The following MOB1B variants were observed in gnomAD, a reference collection of about 807,000 sequenced individuals.
MOB1B encodes MOB kinase activator 1B, also known as MOB1 Mps One Binder homolog B.
MOB1B carries 19 observed loss-of-function variants against 24.4 expected under a neutral mutation model. The ratio of observed to expected loss-of-function variants is 0.78; its 90% confidence interval spans 0.54 to 1.14. The LOEUF (loss-of-function observed/expected upper bound fraction) is 1.14, where lower values mean the gene tolerates loss of function less well. Ranked by LOEUF, MOB1B falls within the 50% of genes most tolerant of loss-of-function variation. The pLI is 0.00. For missense variants in MOB1B, 243 were observed against 259.6 expected (o/e 0.94, Z 0.44); for synonymous variants, 76 against 82.1 (o/e 0.93, Z 0.40).
At chr4:70,931,685 G>T (rs992735204) in intron 1 of MOB1B, among the ~76,000 whole-genome samples, 1 of 152,126 alleles carries the variant, frequency 6.6e-6, no homozygotes, top group African/African-American at 2.4e-5. Flanking sequence ...GACTAATTTT[G>T]ATTACCAAGA....
At chr4:70,962,721 G>A (rs1212666211) in intron 2 of MOB1B, among the ~76,000 whole-genome samples, 3 of 152,038 alleles carry the variant, frequency 2.0e-5, no homozygotes, top group South Asian at 2.1e-4. Flanking sequence ...TTAAGAGGCC[G>A]GGCACGGTGG....
Position 70,984,575 on chromosome 4 carries a change from A to T in MOB1B, c.*2518A>T, listed in dbSNP as rs1007056028. The T allele has an allele frequency of 2.0e-5, 3 of 152,216 alleles. No homozygotes were observed. Among genetic ancestry groups the T allele is most frequent in the Non-Finnish European group, 2.9e-5 (2 of 68,030 alleles). 9.4% of individuals were successfully genotyped at this position (152,216 alleles called of 1,614,324 possible). A position where few individuals can be genotyped will look rare whatever the true frequency, so the allele number is the denominator to read the frequency against. On this transcript the variant is annotated 3_prime_UTR_variant, in exon 6 of 6. Coordinates refer to ENST00000309395, the MANE Select transcript of MOB1B (RefSeq NM_173468.4). ...CTATATTAATACGTAGCTATAAAGC[A>T]ACAGTTGGTTTTCTTATCCTTTGAT...
intron 2 of MOB1B, among the ~76,000 whole-genome samples, chr4:70,964,999 T>C (rs189492776): frequency 2.3e-4 from 34 of 148,936 alleles, no homozygotes; most frequent in African/African-American, 7.9e-4. Context: ...AAAAGAAACA[T>C]ACAATAAAGG....
intron 3 of MOB1B, among the ~76,000 whole-genome samples, chr4:70,973,737 G>A (rs1738864769): frequency 6.6e-6 from 1 of 152,186 alleles, no homozygotes; most frequent in Non-Finnish European, 1.5e-5. Flanking sequence ...TATCATACTT[G>A]GAGACCTTCA....
intron 1 of MOB1B, among the ~76,000 whole-genome samples, chr4:70,903,307 A>G: frequency 6.6e-6 from 1 of 152,188 alleles, no homozygotes. Context: ...TTTGAAAATC[A>G]TTTGTAAATG....
At chr4:70,965,796 CAAAAAAAAAAAA>C (rs71211986) in intron 2 of MOB1B, among the ~76,000 whole-genome samples, 59 of 28,698 alleles carry the variant, frequency 2.1e-3, no homozygotes, top group Middle Eastern at 0.026. Flanking sequence ...GACTCCGTCT[CAAAAAAAAAAAA>C]AAAAAAAAAA....
intron 1 of MOB1B, among the ~76,000 whole-genome samples, chr4:70,921,383 G>A (rs1736430299): frequency 6.6e-6 from 1 of 151,586 alleles, no homozygotes; most frequent in Non-Finnish European, 1.5e-5. Context: ...GTGAAATTTG[G>A]CTCCACAGTA....
rs546521242 is a variant in MOB1B, at chr4:70,976,174, A to G, written c.409+888A>G. 55 of 983,384 alleles carry G rather than the reference A, an allele frequency of 5.6e-5. No homozygotes were observed. In the African/African-American group the frequency reaches 9.6e-4, roughly 17 times the overall value. 60.9% of individuals were successfully genotyped at this position (983,384 alleles called of 1,614,324 possible). A position where few individuals can be genotyped will look rare whatever the true frequency, so the allele number is the denominator to read the frequency against. ...ACCTCGGCCTCCCAAAGTACTGGGA[A>G]CCCTCTCTATAATTTTAAATGATGA... On this transcript the variant is annotated intron_variant, in intron 4 of 5. Coordinates refer to ENST00000309395, the MANE Select transcript of MOB1B (RefSeq NM_173468.4).
At chr4:70,977,249 G>A (rs1739044303) in intron 4 of MOB1B, among the ~76,000 whole-genome samples, 1 of 152,030 alleles carries the variant, frequency 6.6e-6, no homozygotes, top group African/African-American at 2.4e-5. Flanking sequence ...CCTTTGATCT[G>A]GAAATGTGCA....
chr4:70,942,416 A>G (rs191432655), intron 1 of MOB1B, among the ~76,000 whole-genome samples: 68 of 152,220 alleles, frequency 4.5e-4, no homozygotes, highest in African/African-American at 1.5e-3. Flanking sequence ...ATCAGTTTTT[A>G]TAGGCATTAG....
intron 1 of MOB1B, among the ~76,000 whole-genome samples, chr4:70,921,028 CTAAA>C (rs1320881420): frequency 6.6e-6 from 1 of 152,142 alleles, no homozygotes; most frequent in African/African-American, 2.4e-5. Flanking sequence ...CCACTAGGAA[CTAAA>C]AAATATCATG....
chr4:70,956,261 CT>C (rs1738046082), intron 1 of MOB1B, among the ~76,000 whole-genome samples: 1 of 151,394 alleles, frequency 6.6e-6, no homozygotes, highest in African/African-American at 2.4e-5. Context: ...AAATTTTTTT[CT>C]TTTAGCTCCT....
intron 1 of MOB1B, among the ~76,000 whole-genome samples, chr4:70,936,000 C>G (rs1737069553): frequency 6.6e-6 from 1 of 151,798 alleles, no homozygotes; most frequent in Non-Finnish European, 1.5e-5. Context: ...TACAGGCGCC[C>G]ACCACTACGC....
In MOB1B at chr4:70,959,017, T is replaced by C; in HGVS notation, c.158T>C (p.Leu53Pro). Residue 53 changes from leucine (L) to proline (P), a missense_variant, in exon 2 of 6, where the codon CTC (leucine) becomes CCC (proline). Leu to Pro is a moderately conservative substitution (Grantham distance 98, BLOSUM62 -3). Coordinates refer to ENST00000309395, the MANE Select transcript of MOB1B (RefSeq NM_173468.4). ...MAVMLPEGED[L>P]NEWVAVNTVD... is the part of the protein sequence containing the mutation. The stretch of plus-strand genomic sequence containing the variant: ...GTCATGCTTCCTGAAGGGGAAGATC[T>C]CAATGAATGGGTTGCAGTTAACAGT... 6.2e-7 allele frequency: 1 copy of C among 1,613,892 alleles called. No homozygotes were observed.
At chr4:70,977,332 C>T (rs1739046900) in intron 4 of MOB1B, among the ~76,000 whole-genome samples, 1 of 152,024 alleles carries the variant, frequency 6.6e-6, no homozygotes, top group African/African-American at 2.4e-5. Flanking sequence ...ATTGTCTTTT[C>T]ACTTTGGTTT....
intron 1 of MOB1B, among the ~76,000 whole-genome samples, chr4:70,903,102 T>G (rs1473953824): frequency 6.6e-6 from 1 of 152,136 alleles, no homozygotes; most frequent in Non-Finnish European, 1.5e-5. Flanking sequence ...CAAGGCTACT[T>G]GCGGGTCGGG....
chr4:70,968,693 T>C (rs1023044121), intron 2 of MOB1B, among the ~76,000 whole-genome samples: 5 of 152,184 alleles, frequency 3.3e-5, no homozygotes, highest in Admixed American at 1.3e-4. Context: ...TAGCTCATTA[T>C]AGCCTCGAAC....
chr4:70,902,316 C>T, upstream of MOB1B: 1 of 639,630 alleles, frequency 1.6e-6, no homozygotes, highest in African/African-American at 1.8e-5. Flanking sequence ...TCCTTCCCCT[C>T]CCCTGGAGTG....
At chr4:70,974,256 G>C (rs113146566) in intron 3 of MOB1B, among the ~76,000 whole-genome samples, 1,686 of 151,956 alleles carry the variant, frequency 0.011, 31 homozygotes, top group African/African-American at 0.039. Flanking sequence ...CCTGGTTCAA[G>C]CGATTTCTGG....
Sources: gnomAD v4.1 joint callset for allele counts (sites outside exome capture counted in the v4.1 genomes callset) on GRCh38, gnomAD v4.1.1 for gene constraint, MANE v1.5 for transcripts, NCBI Gene and HGNC (gene_info 2026-07-23, HGNC 2026-07-21) for gene names.